Variants in TMTC1 observed in about 807,000 individuals in gnomAD.
TMTC1 encodes the protein protein O-mannosyl-transferase TMTC1.
A neutral mutation model predicts 104.8 loss-of-function variants in TMTC1; 73 were observed. That is an observed-to-expected ratio of 0.70 (90% CI 0.58 to 0.85). The LOEUF is 0.85. TMTC1 is among the 40% of genes least tolerant of loss of function. The pLI is 0.00. For synonymous variants in TMTC1, 434 were observed against 428.7 expected, an observed-to-expected ratio of 1.01 and a Z score of -0.15; for missense variants, 1,035 against 1,096.1, an observed-to-expected ratio of 0.94 and a Z score of 0.79.
intron 5 of TMTC1, among the ~76,000 whole-genome samples, chr12:29,693,660 T>C (rs1413391298): frequency 6.6e-6 from 1 of 152,236 alleles, no homozygotes; most frequent in Non-Finnish European, 1.5e-5. Context: ...TTTCACAGTA[T>C]TTAAATTATA....
At position 29,502,343 on chromosome 12, in the gene TMTC1, T is replaced by TTTC. The variant is rs1943612145; in HGVS notation, c.*4502_*4503insGAA. ...CACCACAAATCAAAGCAAAAGTTTT[T>TTTC]TTTTTTTTCAAAAACAGATTCTAAC... On this transcript the variant is annotated 3_prime_UTR_variant, in exon 18 of 18. Coordinates refer to ENST00000539277, the MANE Select transcript of TMTC1 (RefSeq NM_001193451.2). 1 of 151,862 alleles carries TTTC rather than the reference T, an allele frequency of 6.6e-6. No homozygotes were observed. The highest frequency in any genetic ancestry group is 2.1e-4 in the South Asian group (1 of 4,812). The allele number at this position is 151,862 out of a possible 1,614,324, so 9.4% of individuals were successfully genotyped here.
At chr12:29,531,166 G>C (rs1403373139) in intron 11 of TMTC1, among the ~76,000 whole-genome samples, 1 of 152,088 alleles carries the variant, frequency 6.6e-6, no homozygotes, top group Non-Finnish European at 1.5e-5. Flanking sequence ...TCTGGCGCTT[G>C]GTGGCATCTA....
rs955840399 is a variant in TMTC1 at position 29,783,054 on chromosome 12, T to A, written c.302+396A>T. 19 of 192,272 alleles carry A rather than the reference T, an allele frequency of 9.9e-5. No individual in the cohort carries two copies. Among genetic ancestry groups the A allele is most frequent in the South Asian group, 1.9e-4 (1 of 5,194 alleles). The allele number at this position is 192,272 out of a possible 1,614,324, so 11.9% of individuals were successfully genotyped here. On this transcript the variant is annotated intron_variant, in intron 1 of 17. Coordinates refer to ENST00000539277, the MANE Select transcript of TMTC1 (RefSeq NM_001193451.2). This position sits in a 1 kb window ranked among gnomAD's most constrained non-coding sequence, Gnocchi z 4.7. Reference sequence around the variant, plus strand: ...AACAGCCTCCGAGAAATTCTCTACTTGGAAGCATCGCCACCACCGCCACCC... The same window carrying A: ...AACAGCCTCCGAGAAATTCTCTACTAGGAAGCATCGCCACCACCGCCACCC...
chr12:29,642,106 AC>A (rs1938880104), intron 5 of TMTC1, among the ~76,000 whole-genome samples: 1 of 152,138 alleles, frequency 6.6e-6, no homozygotes, highest in Admixed American at 6.5e-5. Context: ...AAATGACCAA[AC>A]CTAAGAATAA....
rs1258577557 is a variant in TMTC1, at chr12:29,783,809, A to G, written c.-58T>C. ...TCCCGGGCGTCTGGCATCCTCCCCT[A>G]CCGGGGCCCCGGCGGCGCGCGGCGT... On this transcript the variant is annotated 5_prime_UTR_variant, in exon 1 of 18. Coordinates refer to ENST00000539277, the MANE Select transcript of TMTC1 (RefSeq NM_001193451.2). This position sits in a 1 kb window ranked among gnomAD's most constrained non-coding sequence, Gnocchi z 4.7. 7 of 1,107,372 alleles carry G rather than the reference A, an allele frequency of 6.3e-6. No individual in the cohort carries two copies. The highest frequency in any genetic ancestry group is 8.7e-5 in the South Asian group (2 of 22,962). The allele number at this position is 1,107,372 out of a possible 1,614,324, so 68.6% of individuals were successfully genotyped here. A position where few individuals can be genotyped will look rare whatever the true frequency, so the allele number is the denominator to read the frequency against.
intron 10 of TMTC1, among the ~76,000 whole-genome samples, chr12:29,555,477 C>T (rs945486887): frequency 5.9e-5 from 9 of 151,930 alleles, no homozygotes; most frequent in Non-Finnish European, 1.0e-4. Context: ...CTCCTCTTGC[C>T]CCCTACCCCC....
At chr12:29,726,903 T>C (rs753321341) in intron 5 of TMTC1, among the ~76,000 whole-genome samples, 19 of 152,238 alleles carry the variant, frequency 1.2e-4, no homozygotes, top group Non-Finnish European at 2.4e-4. Context: ...TAGCACTAGA[T>C]GTAGTTAAGA....
chr12:29,740,472 G>A (rs1038205614), intron 5 of TMTC1, among the ~76,000 whole-genome samples: 7 of 152,054 alleles, frequency 4.6e-5, no homozygotes, highest in South Asian at 2.1e-4. Context: ...TCCTGCCCTC[G>A]AACATCAGAC....
chr12:29,739,545 C>G (rs1200504201), intron 5 of TMTC1, among the ~76,000 whole-genome samples: 1 of 152,122 alleles, frequency 6.6e-6, no homozygotes, highest in Non-Finnish European at 1.5e-5. Flanking sequence ...GACTTCCCCA[C>G]CAAGATGTAA....
rs373091976 is a variant in TMTC1, at chr12:29,588,496, C to T, written c.1251-4922G>A. 6.8e-4 allele frequency among the ~76,000 whole-genome samples: 103 copies of T among 152,296 alleles called. 3 individuals carry two copies. Among genetic ancestry groups the T allele is most frequent in the African/African-American group, 1.9e-3 (77 of 41,562 alleles). ...GCATCCTATGAAGCCCTCTGGGCTCCGTTCTTTCATTCATCAGATATTTAA... is the reference window on the plus strand; with the variant it reads ...GCATCCTATGAAGCCCTCTGGGCTCTGTTCTTTCATTCATCAGATATTTAA... On this transcript the variant is annotated intron_variant, in intron 7 of 17. Coordinates refer to ENST00000539277, the MANE Select transcript of TMTC1 (RefSeq NM_001193451.2).
chr12:29,604,159 A>G lies in TMTC1; in HGVS notation c.1250+19T>C, dbSNP rs960197478. 2.5e-6 allele frequency: 4 copies of G among 1,612,532 alleles called. No homozygotes were observed. The highest frequency in any genetic ancestry group is 3.4e-6 in the Non-Finnish European group (4 of 1,179,038). On this transcript the variant is annotated intron_variant, in intron 7 of 17. Coordinates refer to ENST00000539277, the MANE Select transcript of TMTC1 (RefSeq NM_001193451.2). ...ACAGAGGGCAGGTCTTGTAGGAGGAAGTCACGTGCAATAGTTACCTAGGCA... is the reference window on the plus strand; with the variant it reads ...ACAGAGGGCAGGTCTTGTAGGAGGAGGTCACGTGCAATAGTTACCTAGGCA...
chr12:29,643,839 TTA>T (rs1337285364), intron 5 of TMTC1, among the ~76,000 whole-genome samples: 1 of 76,650 alleles, frequency 1.3e-5, no homozygotes, highest in African/African-American at 5.1e-5. Flanking sequence ...TTATATATAT[TTA>T]TATATTTATA....
Position 29,631,579 on chromosome 12 carries a change from T to C in TMTC1, c.1128+1568A>G, listed in dbSNP as rs150467840. ...ATTTAGCCCTGAATTCTCAATTCTA[T>C]TCCATTTCCTATTGACACTTTTTAA... On this transcript the variant is annotated intron_variant, in intron 6 of 17. Coordinates refer to ENST00000539277, the MANE Select transcript of TMTC1 (RefSeq NM_001193451.2). Among the ~76,000 whole-genome samples the C allele has an allele frequency of 5.3e-4, 81 of 152,338 alleles. 2 individuals are homozygous for C. Among genetic ancestry groups the C allele is most frequent in the African/African-American group, 1.8e-3 (76 of 41,574 alleles).
intron 5 of TMTC1, among the ~76,000 whole-genome samples, chr12:29,707,700 G>T (rs1941786257): frequency 6.6e-6 from 1 of 152,138 alleles, no homozygotes; most frequent in Non-Finnish European, 1.5e-5. Flanking sequence ...TACTGATCCT[G>T]TTCTTCAACC....
intron 7 of TMTC1, among the ~76,000 whole-genome samples, chr12:29,585,411 G>A (rs1469651530): frequency 6.6e-6 from 1 of 152,164 alleles, no homozygotes; most frequent in Non-Finnish European, 1.5e-5. Flanking sequence ...TCTGATGGTA[G>A]TTTCTTTTGC....
chr12:29,523,301 G>A (rs144051547), intron 11 of TMTC1, among the ~76,000 whole-genome samples: 2 of 152,342 alleles, frequency 1.3e-5, no homozygotes, highest in East Asian at 1.9e-4. Flanking sequence ...CTGCCATGTG[G>A]TCAGGGAGGA....
chr12:29,648,845 A>G (rs1939389640), intron 5 of TMTC1, among the ~76,000 whole-genome samples: 1 of 152,156 alleles, frequency 6.6e-6, no homozygotes, highest in African/African-American at 2.4e-5. Context: ...AAAAATTATG[A>G]ATGGGATTTT....
At chr12:29,728,583 A>G (rs1397885146) in intron 5 of TMTC1, among the ~76,000 whole-genome samples, 1 of 152,120 alleles carries the variant, frequency 6.6e-6, no homozygotes, top group African/African-American at 2.4e-5. Flanking sequence ...CCCTCGTCAC[A>G]CAAAGCAGAT....
chr12:29,642,179 C>G (rs539533332), intron 5 of TMTC1, among the ~76,000 whole-genome samples: 1 of 152,118 alleles, frequency 6.6e-6, no homozygotes, highest in Non-Finnish European at 1.5e-5. Context: ...GGGGAATAAT[C>G]GAGGAAAACT....
Sources: gnomAD v4.1 joint callset for allele counts (sites outside exome capture counted in the v4.1 genomes callset) on GRCh38, gnomAD v4.1.1 for gene constraint, Gnocchi (gnomAD v3.1) non-coding constraint, MANE v1.5 for transcripts, NCBI Gene and HGNC (gene_info 2026-07-23, HGNC 2026-07-21) for gene names.